The following SPOCK1 variants were observed in gnomAD, a reference collection of about 807,000 sequenced individuals.
SPOCK1 encodes SPARC (osteonectin), cwcv and kazal like domains proteoglycan 1.
SPOCK1 carries 23 observed loss-of-function variants against 55.3 expected under a neutral mutation model. The ratio of observed to expected loss-of-function variants is 0.42; its 90% confidence interval spans 0.30 to 0.59. SPOCK1 has a LOEUF of 0.59. Ranked by LOEUF, SPOCK1 falls within the 20% of genes least tolerant of loss-of-function variation. The pLI, the probability that SPOCK1 is intolerant of heterozygous loss-of-function variation, is 0.22. For synonymous variants in SPOCK1, 226 were observed against 221.0 expected, an observed-to-expected ratio of 1.02 and a Z score of -0.20; for missense variants, 499 against 552.5, an observed-to-expected ratio of 0.90 and a Z score of 0.97.
At chr5:137,195,335 T>C (rs1235643766) in intron 3 of SPOCK1, among the ~76,000 whole-genome samples, 1 of 152,374 alleles carries the variant, frequency 6.6e-6, no homozygotes, top group African/African-American at 2.4e-5. Context: ...GATACTCACC[T>C]GCCACTTTGC....
intron 3 of SPOCK1, among the ~76,000 whole-genome samples, chr5:137,249,695 A>C (rs1756470106): frequency 6.6e-6 from 1 of 152,228 alleles, no homozygotes; most frequent in Admixed American, 6.5e-5. Context: ...ACCTAAAAAA[A>C]CTTTACAATT....
chr5:137,382,934 A>G (rs748416988), intron 2 of SPOCK1, among the ~76,000 whole-genome samples: 1 of 152,216 alleles, frequency 6.6e-6, no homozygotes. Flanking sequence ...TGATGAAATA[A>G]GTAAAAAATG....
chr5:137,424,859 T>C (rs1752575534), intron 2 of SPOCK1, among the ~76,000 whole-genome samples: 1 of 152,214 alleles, frequency 6.6e-6, no homozygotes, highest in African/African-American at 2.4e-5. Context: ...GAGGAAAGTT[T>C]GGGTAATAAA....
Position 137,277,007 on chromosome 5 carries a change from A to C in SPOCK1, c.187-9952T>G, listed in dbSNP as rs376793176. On this transcript the variant is annotated intron_variant, in intron 2 of 10. Coordinates refer to ENST00000394945, the MANE Select transcript of SPOCK1 (RefSeq NM_004598.4). The stretch of plus-strand genomic sequence containing the variant: ...TAATATTAATAGTAATCATCGTAAT[A>C]ATAGCAGCTACCACATTTTTTTTTT... 1.3e-5 allele frequency among the ~76,000 whole-genome samples: 2 copies of C among 152,160 alleles called. 1 individual carries two copies. The highest frequency in any genetic ancestry group is 2.9e-5 in the Non-Finnish European group (2 of 68,042).
rs6149262 is a variant in SPOCK1 at position 137,480,303 on chromosome 5, TCACACACACA to T, written c.186+18060_186+18069del. 3.2e-3 allele frequency among the ~76,000 whole-genome samples: 442 copies of T among 140,216 alleles called. 2 individuals are homozygous for T. Among genetic ancestry groups the T allele is most frequent in the African/African-American group, 9.9e-3 (376 of 37,950 alleles). 92.0% of individuals were successfully genotyped at this position (140,216 alleles called of 152,430 possible). A position where few individuals can be genotyped will look rare whatever the true frequency, so the allele number is the denominator to read the frequency against. On this transcript the variant is annotated intron_variant, in intron 2 of 10. Coordinates refer to ENST00000394945, the MANE Select transcript of SPOCK1 (RefSeq NM_004598.4). ...CTGCAGCTGTTCACGTTGCTCTCCTTCACACACACACACACACACACACACACACACACAC... is the reference window on the plus strand; with the variant it reads ...CTGCAGCTGTTCACGTTGCTCTCCTTCACACACACACACACACACACACAC...
Position 137,207,907 on chromosome 5 carries a change from G to C in SPOCK1, c.232+59103C>G, listed in dbSNP as rs1012860213. Among the ~76,000 whole-genome samples, 88 of 152,136 alleles carry C rather than the reference G, an allele frequency of 5.8e-4. 1 individual carries two copies. Among genetic ancestry groups the C allele is most frequent in the Admixed American group, 5.7e-3 (87 of 15,278 alleles). On this transcript the variant is annotated intron_variant, in intron 3 of 10. Transcript: ENST00000394945. ...CTACACGGTTTACAATCAGAGCACAGCTCATTCATTTATCAACTTAAAAAA... is the reference window on the plus strand; with the variant it reads ...CTACACGGTTTACAATCAGAGCACACCTCATTCATTTATCAACTTAAAAAA...
At chr5:137,284,054 A>AT (rs1757219916) in intron 2 of SPOCK1, among the ~76,000 whole-genome samples, 1 of 152,238 alleles carries the variant, frequency 6.6e-6, no homozygotes, top group Non-Finnish European at 1.5e-5. Context: ...TTATTCCACA[A>AT]TATCAGCACA....
intron 3 of SPOCK1, among the ~76,000 whole-genome samples, chr5:137,219,040 C>T (rs1002683945): frequency 6.6e-6 from 1 of 152,090 alleles, no homozygotes; most frequent in Non-Finnish European, 1.5e-5. Context: ...TGAGAAGAAA[C>T]CTGTTTTATA....
At chr5:137,120,163 C>T (rs145654982) in intron 4 of SPOCK1, among the ~76,000 whole-genome samples, 2 of 152,222 alleles carry the variant, frequency 1.3e-5, no homozygotes, top group Admixed American at 6.5e-5. Flanking sequence ...GCCCAGATAA[C>T]GAGAGCCAGG....
chr5:136,992,925 T>A (rs780328627), intron 6 of SPOCK1: 3 of 215,836 alleles, frequency 1.4e-5, no homozygotes, highest in Non-Finnish European at 2.7e-5. Context: ...GCTAACCGCA[T>A]AAAGCTTGCT....
chr5:137,208,238 T>C (rs954183063), intron 3 of SPOCK1, among the ~76,000 whole-genome samples: 1 of 152,170 alleles, frequency 6.6e-6, no homozygotes, highest in South Asian at 2.1e-4. Flanking sequence ...CTTTGTTGGA[T>C]GGCAGAGCAG....
At chr5:137,276,571 T>G (rs1757072070) in intron 2 of SPOCK1, among the ~76,000 whole-genome samples, 1 of 152,248 alleles carries the variant, frequency 6.6e-6, no homozygotes, top group Non-Finnish European at 1.5e-5. Context: ...TAACATCTAC[T>G]GAATGAATAA....
intron 4 of SPOCK1, among the ~76,000 whole-genome samples, chr5:137,132,036 A>C (rs2127045622): frequency 1.1e-5 from 1 of 94,450 alleles, no homozygotes; most frequent in East Asian, 3.3e-4. Context: ...TTAGCTGGGC[A>C]TGGTGGCAAG....
chr5:137,313,310 C>A lies in SPOCK1; in HGVS notation c.187-46255G>T, dbSNP rs188970741. The A allele has an allele frequency of 1.8e-4, 102 of 582,826 alleles. No individual in the cohort carries two copies. In the African/African-American group the frequency reaches 1.8e-3, roughly 10 times the overall value. 36.1% of individuals were successfully genotyped at this position (582,826 alleles called of 1,614,324 possible). ...AGCCTTATTGATAGGACACTACAAT[C>A]ATTTAGTTGGAAGTAGGGATGAGGT... On this transcript the variant is annotated intron_variant, in intron 2 of 10. Coordinates refer to ENST00000394945, the MANE Select transcript of SPOCK1 (RefSeq NM_004598.4).
At chr5:137,090,596 C>T (rs1176297087) in intron 5 of SPOCK1, among the ~76,000 whole-genome samples, 3 of 152,172 alleles carry the variant, frequency 2.0e-5, no homozygotes, top group Non-Finnish European at 2.9e-5. Flanking sequence ...GGCATGGGGA[C>T]CCAGCAGGCA....
At chr5:137,243,291 T>C (rs536100216) in intron 3 of SPOCK1, among the ~76,000 whole-genome samples, 10 of 152,268 alleles carry the variant, frequency 6.6e-5, no homozygotes, top group African/African-American at 1.9e-4. Flanking sequence ...TATTTTTTAA[T>C]CTCTTAAAAT....
chr5:137,424,540 A>T (rs2149826834), intron 2 of SPOCK1, among the ~76,000 whole-genome samples: 1 of 152,326 alleles, frequency 6.6e-6, no homozygotes, highest in African/African-American at 2.4e-5. Flanking sequence ...CTCACGGCAA[A>T]CAAAAGCTCT....
intron 3 of SPOCK1, among the ~76,000 whole-genome samples, chr5:137,231,923 C>A (rs1294593127): frequency 6.6e-6 from 1 of 152,166 alleles, no homozygotes; most frequent in African/African-American, 2.4e-5. Context: ...TAGTGATATC[C>A]CACTGTTACA....
intron 5 of SPOCK1, among the ~76,000 whole-genome samples, chr5:137,076,617 A>AG (rs1327672652): frequency 6.6e-6 from 1 of 151,428 alleles, no homozygotes; most frequent in Non-Finnish European, 1.5e-5. Context: ...TAAAAAAAAA[A>AG]AAAAAAAAAA....
Sources: gnomAD v4.1 joint callset for allele counts (sites outside exome capture counted in the v4.1 genomes callset) on GRCh38, gnomAD v4.1.1 for gene constraint, MANE v1.5 for transcripts, NCBI Gene and HGNC (gene_info 2026-07-23, HGNC 2026-07-21) for gene names.